Variants in CHD9 observed in about 807,000 individuals in gnomAD.
The protein encoded by CHD9 is ATP-dependent chromatin remodeler CHD9.
Under a neutral mutation model 316.1 loss-of-function variants are expected in CHD9, and 77 were observed. That is an observed-to-expected ratio of 0.24 (90% CI 0.20 to 0.29). The LOEUF (loss-of-function observed/expected upper bound fraction) is 0.29. Among genes scored for constraint, CHD9 ranks in the 10% least tolerant of loss-of-function variants. The pLI, the probability that CHD9 is intolerant of heterozygous loss-of-function variation, is 1.00. For missense variants in CHD9, 2,763 were observed against 3,438.1 expected, an observed-to-expected ratio of 0.80 and a Z score of 4.91; for synonymous variants, 1,129 against 1,158.3, an observed-to-expected ratio of 0.97 and a Z score of 0.51.
chr16:53,069,426 C>T (rs538576736), intron 1 of CHD9, among the ~76,000 whole-genome samples: 1 of 152,292 alleles, frequency 6.6e-6, no homozygotes, highest in East Asian at 1.9e-4. Context: ...TAAACAACTC[C>T]CCTTCCCCCT....
At chr16:53,127,001 C>CTGG (rs2038999660) in intron 1 of CHD9, among the ~76,000 whole-genome samples, 2 of 150,548 alleles carry the variant, frequency 1.3e-5, no homozygotes, top group Admixed American at 1.3e-4. Flanking sequence ...TTCACCCAGG[C>CTGG]TGGAGTGCAG....
At chr16:53,057,376 G>T (rs373423109) in intron 1 of CHD9, among the ~76,000 whole-genome samples, 2 of 151,464 alleles carry the variant, frequency 1.3e-5, no homozygotes, top group Non-Finnish European at 2.9e-5. Flanking sequence ...AAAAAAGGCC[G>T]GGTGCAGTGG....
intron 29 of CHD9, among the ~76,000 whole-genome samples, chr16:53,296,665 T>G (rs2054832519): frequency 1.3e-5 from 2 of 151,970 alleles, no homozygotes; most frequent in Non-Finnish European, 2.9e-5. Flanking sequence ...CAGTATGGTC[T>G]CTATCTCCTG....
At chr16:53,271,213 G>A (rs2052223859) in intron 22 of CHD9, among the ~76,000 whole-genome samples, 1 of 151,644 alleles carries the variant, frequency 6.6e-6, no homozygotes, top group Admixed American at 6.6e-5. Context: ...ACTTAAATAA[G>A]AGCAAAAACA....
intron 7 of CHD9, among the ~76,000 whole-genome samples, chr16:53,227,879 A>C (rs891066775): frequency 6.6e-6 from 1 of 151,926 alleles, no homozygotes; most frequent in Admixed American, 6.6e-5. Flanking sequence ...AGGTGAAGAG[A>C]TCGAGACCAT....
intron 11 of CHD9, 27 bp from the exon 12 acceptor site, chr16:53,238,316 C>A: frequency 6.3e-7 from 1 of 1,582,882 alleles, no homozygotes. Flanking sequence ...CCAATGTATG[C>A]ATGGATAATG....
At chr16:53,112,635 A>T (rs2037956017) in intron 1 of CHD9, among the ~76,000 whole-genome samples, 1 of 152,140 alleles carries the variant, frequency 6.6e-6, no homozygotes, top group African/African-American at 2.4e-5. Context: ...TTTTCCTTAA[A>T]GTTCACTAAC....
chr16:53,182,389 G>T lies in CHD9; in HGVS notation c.1452+24848G>T, dbSNP rs565531066. ...TTTTTAAAAAATTTGTGGAGATGGG[G>T]GTCTTACTATGTTGCCCAGCCCAGG... On this transcript the variant is annotated intron_variant, in intron 2 of 38. Coordinates refer to ENST00000447540, the MANE Select transcript of CHD9 (RefSeq NM_001308319.2). 7.9e-5 allele frequency among the ~76,000 whole-genome samples: 12 copies of T among 152,016 alleles called. No homozygotes were observed. The East Asian group carries it at 2.1e-3, about 27-fold the overall frequency.
At position 53,209,692 on chromosome 16, in the gene CHD9, C is replaced by G; in HGVS notation, c.1663C>G (p.Pro555Ala). ...ACGAGTAATGAGCCCTGAAAACTTTCCTACTGCTTCAGTTGAAGGAAAAGA... is the reference window on the plus strand; with the variant it reads ...ACGAGTAATGAGCCCTGAAAACTTTGCTACTGCTTCAGTTGAAGGAAAAGA... The part of the protein sequence containing the change: ...IPRVMSPENF[P>A]TASVEGKEEK... The change falls in exon 3 of 39, where the codon CCT (proline) becomes GCT (alanine). Residue 555 changes from proline to alanine, a missense_variant. Physicochemically the swap from Pro to Ala is conservative, Grantham distance 27. Transcript: ENST00000447540. 6.2e-7 allele frequency: 1 copy of G among 1,613,776 alleles called. No individual in the cohort carries two copies. The highest frequency in any genetic ancestry group is 8.5e-7 in the Non-Finnish European group (1 of 1,179,810).
chr16:53,116,179 C>T (rs2038286760), intron 1 of CHD9, among the ~76,000 whole-genome samples: 2 of 152,186 alleles, frequency 1.3e-5, no homozygotes, highest in South Asian at 4.1e-4. Context: ...CCTGCCTGAG[C>T]CTCCCGAGCA....
At chr16:53,132,162 A>G (rs1316975450) in intron 1 of CHD9, among the ~76,000 whole-genome samples, 1 of 152,016 alleles carries the variant, frequency 6.6e-6, no homozygotes, top group Non-Finnish European at 1.5e-5. Context: ...TTTCAGAACA[A>G]AGTAGATGAG....
Position 53,157,051 on chromosome 16 carries a change from C to T in CHD9, c.962C>T (p.Ser321Phe), listed in dbSNP as rs2041568523. 1.2e-6 allele frequency: 2 copies of T among 1,612,972 alleles called. No individual in the cohort carries two copies. The highest frequency in any genetic ancestry group is 1.7e-6 in the Non-Finnish European group (2 of 1,179,720). The change falls in exon 2 of 39, where the codon TCT (serine) becomes TTT (phenylalanine). Residue 321 changes from serine (S) to phenylalanine (F), a missense_variant. Physicochemically the swap from Ser to Phe is radical, Grantham distance 155 (BLOSUM62 -2). Transcript: ENST00000447540. ...FSPHRGIKQE[S>F]TQHILNPNTS... is the part of the protein sequence containing the mutation. Reference sequence around the variant, plus strand: ...CCTCATAGAGGAATCAAGCAAGAATCTACTCAGCATATCCTAAACCCCAAT... The same window carrying T: ...CCTCATAGAGGAATCAAGCAAGAATTTACTCAGCATATCCTAAACCCCAAT...
intron 1 of CHD9, among the ~76,000 whole-genome samples, chr16:53,149,713 A>C (rs1342481899): frequency 7.3e-6 from 1 of 136,132 alleles, no homozygotes; most frequent in Non-Finnish European, 1.6e-5. Flanking sequence ...CACACTGGCT[A>C]ATTTAAAAAT....
At chr16:53,321,425 A>T in intron 37 of CHD9, 101 bp from the exon 38 acceptor site, 2 of 1,396,988 alleles carry the variant, frequency 1.4e-6, no homozygotes, top group Non-Finnish European at 1.9e-6. Flanking sequence ...TTCAAAAAAT[A>T]TGTATTTTAA....
chr16:53,164,646 G>T (rs191675078), intron 2 of CHD9, among the ~76,000 whole-genome samples: 11 of 150,016 alleles, frequency 7.3e-5, no homozygotes, highest in Admixed American at 4.6e-4. Context: ...TTTTTTTGGA[G>T]GGGGGGGTTT....
intron 1 of CHD9, among the ~76,000 whole-genome samples, chr16:53,083,708 T>G (rs2035223692): frequency 6.6e-6 from 1 of 152,014 alleles, no homozygotes; most frequent in Non-Finnish European, 1.5e-5. Flanking sequence ...CCTTGAAACT[T>G]TTTTTTGAAA....
chr16:53,058,216 G>A (rs2032400650), intron 1 of CHD9, among the ~76,000 whole-genome samples: 1 of 152,210 alleles, frequency 6.6e-6, no homozygotes. Context: ...CACCTCTGGA[G>A]TTCAAGCGAT....
At chr16:53,134,376 T>C (rs921481222) in intron 1 of CHD9, among the ~76,000 whole-genome samples, 3 of 152,248 alleles carry the variant, frequency 2.0e-5, no homozygotes, top group African/African-American at 7.2e-5. Flanking sequence ...TTTACACTTA[T>C]TTACGTTGTA....
chr16:53,115,129 T>A (rs1020953957), intron 1 of CHD9, among the ~76,000 whole-genome samples: 1 of 152,222 alleles, frequency 6.6e-6, no homozygotes, highest in African/African-American at 2.4e-5. Context: ...ATTTTTCATC[T>A]GGTTTGTGCC....
Sources: gnomAD v4.1 joint callset for allele counts (sites outside exome capture counted in the v4.1 genomes callset) on GRCh38, gnomAD v4.1.1 for gene constraint, MANE v1.5 for transcripts, NCBI Gene and HGNC (gene_info 2026-07-23, HGNC 2026-07-21) for gene names.